Variants in CPNE2 observed in about 807,000 individuals in gnomAD.
CPNE2 encodes the protein copine-2.
A neutral mutation model predicts 69.7 loss-of-function variants in CPNE2; 42 were observed. That is an observed-to-expected ratio of 0.60 (90% confidence interval 0.47 to 0.78). The LOEUF (loss-of-function observed/expected upper bound fraction) is 0.78. CPNE2 is among the 30% of genes least tolerant of loss of function. CPNE2 has a pLI of 0.00. For synonymous variants in CPNE2, 294 were observed against 289.8 expected (o/e 1.01, Z -0.15); for missense variants, 587 against 732.0 (o/e 0.80, Z 2.29).
At chr16:57,111,525 T>C (rs1176716417) in intron 2 of CPNE2, among the ~76,000 whole-genome samples, 2 of 152,216 alleles carry the variant, frequency 1.3e-5, no homozygotes, top group African/African-American at 4.8e-5. Flanking sequence ...TTTTATGAAA[T>C]GTTTGCTTCC....
At chr16:57,123,202 T>TG in intron 9 of CPNE2, 1 of 594,038 alleles carries the variant, frequency 1.7e-6, no homozygotes, top group Non-Finnish European at 3.0e-6. Context: ...CTGTGGGGTG[T>TG]GGGGGTCTCT....
intron 4 of CPNE2, 43 bp from the exon 5 acceptor site, chr16:57,117,453 G>C (rs564773131): frequency 6.3e-7 from 1 of 1,596,912 alleles, no homozygotes; most frequent in South Asian, 1.1e-5. Flanking sequence ...CCTGGCAGGA[G>C]GCTGGGGGAG....
intron 12 of CPNE2, among the ~76,000 whole-genome samples, chr16:57,133,648 G>C (rs906514531): frequency 6.6e-6 from 1 of 152,140 alleles, no homozygotes; most frequent in African/African-American, 2.4e-5. Context: ...GAGGACCGGG[G>C]CACCCCTCCA....
intron 14 of CPNE2, among the ~76,000 whole-genome samples, chr16:57,137,969 C>T (rs2069895311): frequency 6.6e-6 from 1 of 152,202 alleles, no homozygotes; most frequent in South Asian, 2.1e-4. Context: ...GAGAGGTCTT[C>T]TCCCCCTGCC....
intron 1 of CPNE2, among the ~76,000 whole-genome samples, chr16:57,107,295 C>G (rs777798831): frequency 3.9e-5 from 6 of 152,188 alleles, no homozygotes; most frequent in Non-Finnish European, 1.5e-5. Context: ...GCTCTGAGCT[C>G]GTGTGATTAT....
chr16:57,110,495 C>A, intron 1 of CPNE2: 1 of 271,216 alleles, frequency 3.7e-6, no homozygotes, highest in Non-Finnish European at 7.0e-6. Flanking sequence ...AGATTATAGG[C>A]GTGAGCCACT....
At chr16:57,118,256 C>T (rs1371895351) in intron 5 of CPNE2, among the ~76,000 whole-genome samples, 5 of 151,252 alleles carry the variant, frequency 3.3e-5, no homozygotes, top group Non-Finnish European at 5.9e-5. Context: ...AGCTCCGCCT[C>T]CTGAGTTCAT....
At chr16:57,110,599 C>G (rs771355624) in intron 1 of CPNE2, 109 bp from the exon 2 acceptor site, 1 of 608,292 alleles carries the variant, frequency 1.6e-6, no homozygotes, top group Non-Finnish European at 2.7e-6. Context: ...CTCAATTTGC[C>G]TTCCATCTCT....
At chr16:57,134,990 G>C (rs2069868187) in intron 13 of CPNE2, among the ~76,000 whole-genome samples, 164 bp downstream of exon 13, 1 of 152,178 alleles carries the variant, frequency 6.6e-6, no homozygotes, top group Non-Finnish European at 1.5e-5. Flanking sequence ...TTTGGAGTCA[G>C]ATAGTCCTGG....
At chr16:57,129,766 C>T (rs1216749316) in intron 12 of CPNE2, among the ~76,000 whole-genome samples, 1 of 152,194 alleles carries the variant, frequency 6.6e-6, no homozygotes, top group Admixed American at 6.5e-5. Context: ...TTGCAGTGAG[C>T]CGAGATCGTG....
chr16:57,113,267 A>G, intron 2 of CPNE2, 21 bp from the exon 3 acceptor site: 1 of 1,609,444 alleles, frequency 6.2e-7, no homozygotes, highest in Non-Finnish European at 8.5e-7. Context: ...TCTGACTTCC[A>G]TTTTCCTGCC....
intron 1 of CPNE2, among the ~76,000 whole-genome samples, chr16:57,098,476 C>T (rs541784939): frequency 1.3e-5 from 2 of 152,314 alleles, no homozygotes; most frequent in African/African-American, 4.8e-5. Context: ...GAGAATAAGG[C>T]TTGTGGCTGG....
chr16:57,121,953 G>A (rs2069765987), intron 9 of CPNE2, among the ~76,000 whole-genome samples, 193 bp downstream of exon 9: 1 of 152,232 alleles, frequency 6.6e-6, no homozygotes, highest in Non-Finnish European at 1.5e-5. Context: ...AGATATTAAC[G>A]AGGCAGAGCA....
chr16:57,110,828 CAGTG>C lies in CPNE2; in HGVS notation c.91_94del (p.Ser31AlafsTer103). 6.2e-7 allele frequency: 1 copy of C among 1,614,002 alleles called. No homozygotes were observed. Among genetic ancestry groups the C allele is most frequent in the Non-Finnish European group, 8.5e-7 (1 of 1,179,944 alleles). On this transcript the variant is annotated frameshift_variant, in exon 2 of 16. Transcript: ENST00000290776. LOFTEE classifies it high-confidence loss of function. ...TATTGCGTGTGCAAGGTGGAGCTGT[CAGTG>C]AGTGGCCAGAACCTACTGGACCGGG...
At chr16:57,123,059 C>T (rs2069774488) in intron 9 of CPNE2, among the ~76,000 whole-genome samples, 1 of 152,150 alleles carries the variant, frequency 6.6e-6, no homozygotes, top group African/African-American at 2.4e-5. Flanking sequence ...TGCTCTTTCT[C>T]TTTGTTAAAA....
chr16:57,108,679 G>A lies in CPNE2; in HGVS notation c.-35-2029G>A, dbSNP rs554842014. On this transcript the variant is annotated intron_variant, in intron 1 of 15. Coordinates refer to ENST00000290776, the MANE Select transcript of CPNE2 (RefSeq NM_152727.6). ...AGAAAGCCAGAGGACTTGTCTGCTG[G>A]GCCTGTGATGGGTGTGACCTAGGTC... 2.6e-5 allele frequency among the ~76,000 whole-genome samples: 4 copies of A among 152,332 alleles called. No individual in the cohort carries two copies. The East Asian group carries it at 7.7e-4, about 29-fold the overall frequency.
In CPNE2 at chr16:57,146,320, AC is replaced by A; in HGVS notation, c.1539del (p.Asn513LysfsTer151). 6.5e-7 allele frequency: 1 copy of A among 1,548,378 alleles called. No individual in the cohort carries two copies. The highest frequency in any genetic ancestry group is 8.7e-7 in the Non-Finnish European group (1 of 1,144,036). On this transcript the variant is annotated frameshift_variant and splice_region_variant, in exon 15 of 16. Transcript: ENST00000290776. LOFTEE classifies it high-confidence loss of function. The surrounding 1 kb of genome is among the most constrained non-coding windows in gnomAD (Gnocchi z 4.4). ...TTCGTTCCCTTTCGAGAGTTCCGCA[AC>A]GTGAGTGTGGGCCTGGGCTGGGAGG... ...VQFVPFREFR[N>X]AAKETLAKAV...
At chr16:57,126,928 G>T (rs1207995317) in intron 11 of CPNE2, among the ~76,000 whole-genome samples, 1 of 152,162 alleles carries the variant, frequency 6.6e-6, no homozygotes, top group African/African-American at 2.4e-5. Context: ...TTTGTGCCCA[G>T]ATCATTTCAT....
chr16:57,127,002 G>A (rs1163451026), intron 11 of CPNE2, among the ~76,000 whole-genome samples: 1 of 152,192 alleles, frequency 6.6e-6, no homozygotes, highest in Non-Finnish European at 1.5e-5. Context: ...CTCCACGGCA[G>A]CCAAAGGGAT....
Sources: gnomAD v4.1 joint callset for allele counts (sites outside exome capture counted in the v4.1 genomes callset) on GRCh38, gnomAD v4.1.1 for gene constraint, Gnocchi (gnomAD v3.1) non-coding constraint, MANE v1.5 for transcripts, NCBI Gene and HGNC (gene_info 2026-07-23, HGNC 2026-07-21) for gene names.